The following AEBP2 variants were observed in gnomAD, a reference collection of about 807,000 sequenced individuals.
The protein encoded by AEBP2 is zinc finger protein AEBP2.
In AEBP2, 10 loss-of-function variants were observed where a neutral mutation model predicts 50.8. That is an observed-to-expected ratio of 0.20 (90% CI 0.12 to 0.33). AEBP2 has a LOEUF of 0.33. Among genes scored for constraint, AEBP2 ranks in the 10% least tolerant of loss-of-function variants. AEBP2 has a pLI of 1.00. For missense variants in AEBP2, 570 were observed against 688.0 expected, an observed-to-expected ratio of 0.83 and a Z score of 1.92; for synonymous variants, 296 against 261.3, an observed-to-expected ratio of 1.13 and a Z score of -1.28.
At chr12:19,428,602 A>G (rs117045782) in intron 1 of AEBP2, among the ~76,000 whole-genome samples, 3,417 of 152,308 alleles carry the variant, frequency 0.022, 48 homozygotes, top group East Asian at 0.045. Context: ...ACCTGATGTC[A>G]GGAGTTTCAG....
At chr12:19,459,015 T>C (rs1948323485) in intron 1 of AEBP2, among the ~76,000 whole-genome samples, 1 of 152,218 alleles carries the variant, frequency 6.6e-6, no homozygotes, top group Non-Finnish European at 1.5e-5. Flanking sequence ...GATTGTTCCA[T>C]ATCACATTGA....
chr12:19,484,292 A>T (rs1314769052), intron 3 of AEBP2, among the ~76,000 whole-genome samples: 1 of 118,734 alleles, frequency 8.4e-6, no homozygotes, highest in Non-Finnish European at 1.7e-5. Flanking sequence ...TTTAGTAGAG[A>T]TGGGGTTTCA....
At chr12:19,439,456 G>C (rs1055264220), upstream of AEBP2, among the ~76,000 whole-genome samples, 8 of 151,490 alleles carry the variant, frequency 5.3e-5, no homozygotes, top group Non-Finnish European at 1.0e-4. Context: ...GCAGCCGGGG[G>C]AGGTGCTGCC....
chr12:19,438,155 T>C (rs938203243), upstream of AEBP2, among the ~76,000 whole-genome samples: 4 of 152,234 alleles, frequency 2.6e-5, no homozygotes, highest in African/African-American at 9.6e-5. Flanking sequence ...AAAGGCACAA[T>C]TGACTGGTGA....
At chr12:19,440,828 G>A in intron 1 of AEBP2, 2 of 1,421,052 alleles carry the variant, frequency 1.4e-6, no homozygotes, top group Non-Finnish European at 1.9e-6. Context: ...GAACTTCCTT[G>A]TCCATGGGAG....
intron 1 of AEBP2, among the ~76,000 whole-genome samples, chr12:19,441,948 C>G (rs1357478101): frequency 2.0e-5 from 3 of 152,196 alleles, no homozygotes; most frequent in African/African-American, 4.8e-5. Flanking sequence ...ATTCCCACAA[C>G]TATGGTGCAA....
chr12:19,485,566 G>A (rs1165832660), intron 3 of AEBP2, among the ~76,000 whole-genome samples: 2 of 151,688 alleles, frequency 1.3e-5, no homozygotes, highest in African/African-American at 2.4e-5. Flanking sequence ...AAAATTAGCC[G>A]GGCGTGTTGG....
intron 3 of AEBP2, among the ~76,000 whole-genome samples, chr12:19,491,596 A>G (rs772704251): frequency 7.2e-5 from 11 of 152,294 alleles, no homozygotes; most frequent in Non-Finnish European, 1.6e-4. Flanking sequence ...CTTAGTGTGC[A>G]CCATAGAGTA....
intron 3 of AEBP2, among the ~76,000 whole-genome samples, chr12:19,485,714 A>AG (rs1325349662): frequency 6.6e-6 from 1 of 151,172 alleles, no homozygotes; most frequent in African/African-American, 2.4e-5. Flanking sequence ...GTCTCAAAAA[A>AG]AAAAAAAAAA....
chr12:19,518,438 C>CTTTTTT lies in AEBP2; in HGVS notation c.*326_*331dup. The CTTTTTT allele has an allele frequency of 8.6e-7, 1 of 1,168,498 alleles. No individual in the cohort carries two copies. The highest frequency in any genetic ancestry group is 3.4e-5 in the South Asian group (1 of 29,736). 72.4% of individuals were successfully genotyped at this position (1,168,498 alleles called of 1,614,324 possible). ...TTTGCATGCTTGCTGCTTTAAGCTG[C>CTTTTTT]TTTTTTTTTTCTTTTCTTCCCTTTA... On this transcript the variant is annotated 3_prime_UTR_variant, in exon 8 of 8. Coordinates refer to ENST00000266508, the MANE Select transcript of AEBP2 (RefSeq NM_153207.5).
intron 3 of AEBP2, among the ~76,000 whole-genome samples, chr12:19,476,175 C>G (rs1948647827): frequency 6.6e-6 from 1 of 152,092 alleles, no homozygotes; most frequent in Admixed American, 6.5e-5. Context: ...ATGTTATCTT[C>G]CAGAATTTTT....
At chr12:19,494,898 C>A (rs926181954) in intron 4 of AEBP2, among the ~76,000 whole-genome samples, 1 of 151,754 alleles carries the variant, frequency 6.6e-6, no homozygotes, top group Non-Finnish European at 1.5e-5. Flanking sequence ...TAGTTTGTGG[C>A]TTTATTTTAT....
At chr12:19,452,955 T>A (rs1407484660) in intron 1 of AEBP2, among the ~76,000 whole-genome samples, 1 of 144,540 alleles carries the variant, frequency 6.9e-6, no homozygotes, top group African/African-American at 2.5e-5. Flanking sequence ...ATTATAGACT[T>A]ACGTTCTTTT....
intron 2 of AEBP2, among the ~76,000 whole-genome samples, chr12:19,465,536 A>G: frequency 6.6e-6 from 1 of 152,174 alleles, no homozygotes. Context: ...TTTCCTACAT[A>G]CCAGTCATTA....
chr12:19,405,465 A>G (rs1012795714), intron 1 of AEBP2, among the ~76,000 whole-genome samples: 2 of 151,242 alleles, frequency 1.3e-5, no homozygotes, highest in African/African-American at 4.9e-5. Context: ...GCTGGGACTG[A>G]CAGGCATGTA....
intron 1 of AEBP2, among the ~76,000 whole-genome samples, chr12:19,428,017 G>A (rs913467727): frequency 4.0e-5 from 6 of 151,824 alleles, no homozygotes; most frequent in South Asian, 2.1e-4. Context: ...CTGGTGGATC[G>A]CTTGAGCTCA....
At chr12:19,409,878 T>C (rs1226159882) in intron 1 of AEBP2, among the ~76,000 whole-genome samples, 2 of 152,218 alleles carry the variant, frequency 1.3e-5, no homozygotes, top group Admixed American at 6.5e-5. Flanking sequence ...ATTAAAACTT[T>C]CTTCTGAGCA....
intron 1 of AEBP2, among the ~76,000 whole-genome samples, chr12:19,452,862 T>G (rs1468231242): frequency 6.6e-6 from 1 of 152,170 alleles, no homozygotes; most frequent in Non-Finnish European, 1.5e-5. Context: ...AATGATAGTT[T>G]ACCTGTTAAT....
chr12:19,510,391 A>G (rs1949216145), intron 5 of AEBP2, among the ~76,000 whole-genome samples: 1 of 152,164 alleles, frequency 6.6e-6, no homozygotes, highest in Non-Finnish European at 1.5e-5. Context: ...GTGATAATGC[A>G]TGTGTCCTAT....
Sources: allele counts gnomAD v4.1 joint callset (sites outside exome capture counted in the v4.1 genomes callset), GRCh38; gene constraint gnomAD v4.1.1; transcripts MANE v1.5; gene names NCBI Gene and HGNC (gene_info 2026-07-23, HGNC 2026-07-21).